Variants in EFCAB6 observed in about 807,000 individuals in gnomAD.
The protein encoded by EFCAB6 is EF-hand calcium binding domain 6.
EFCAB6 carries 156 observed loss-of-function variants against 169.8 expected under a neutral mutation model. The ratio of observed to expected loss-of-function variants is 0.92; its 90% CI spans 0.81 to 1.05. The LOEUF (loss-of-function observed/expected upper bound fraction) is 1.05, where lower values mean the gene tolerates loss of function less well. EFCAB6 is among the 50% of genes least tolerant of loss of function. EFCAB6 has a pLI of 0.00. For synonymous variants in EFCAB6, 698 were observed against 676.4 expected (o/e 1.03, Z -0.50); for missense variants, 1,800 against 1,829.1 (o/e 0.98, Z 0.29).
At chr22:43,753,729 G>A (rs2060854780) in intron 6 of EFCAB6, among the ~76,000 whole-genome samples, 1 of 152,208 alleles carries the variant, frequency 6.6e-6, no homozygotes, top group South Asian at 2.1e-4. Context: ...GGAAATAGGA[G>A]TGCTGGGGTT....
chr22:43,710,354 G>A (rs1379992363), intron 10 of EFCAB6, among the ~76,000 whole-genome samples: 1 of 152,174 alleles, frequency 6.6e-6, no homozygotes, highest in Non-Finnish European at 1.5e-5. Context: ...CACTGGCCAA[G>A]ATGGAACAAA....
At chr22:43,806,465 C>T (rs1239813690) in intron 2 of EFCAB6, among the ~76,000 whole-genome samples, 1 of 151,914 alleles carries the variant, frequency 6.6e-6, no homozygotes, top group Admixed American at 6.6e-5. Context: ...AGGCTGGTCT[C>T]GAATTTCTGG....
intron 2 of EFCAB6, among the ~76,000 whole-genome samples, chr22:43,794,890 A>G (rs922223284): frequency 3.9e-5 from 6 of 152,218 alleles, no homozygotes; most frequent in Admixed American, 3.9e-4. Context: ...ATGATAGGGT[A>G]TCACAAAAAA....
intron 17 of EFCAB6, among the ~76,000 whole-genome samples, chr22:43,650,404 C>T (rs1405478316): frequency 1.3e-5 from 2 of 152,222 alleles, no homozygotes; most frequent in African/African-American, 4.8e-5. Context: ...TAAGATGAGA[C>T]TTCCTCCTCC....
At chr22:43,567,635 A>T (rs982302779) in intron 26 of EFCAB6, among the ~76,000 whole-genome samples, 1 of 152,152 alleles carries the variant, frequency 6.6e-6, no homozygotes, top group Admixed American at 6.5e-5. Flanking sequence ...ACTGGCTGGC[A>T]TTCGAATCCT....
chr22:43,638,657 C>A (rs1479386367), intron 17 of EFCAB6, among the ~76,000 whole-genome samples: 2 of 152,170 alleles, frequency 1.3e-5, no homozygotes, highest in African/African-American at 4.8e-5. Context: ...CTTTGCAGCA[C>A]TTTTTTGGTG....
rs1184229301 is a variant in EFCAB6, at chr22:43,675,472, T to TATATAAC, written c.1419+2523_1419+2524insGTTATAT. On this transcript the variant is annotated intron_variant, in intron 13 of 31. Coordinates refer to ENST00000262726, the MANE Select transcript of EFCAB6 (RefSeq NM_022785.4). ...GTATAATATATGATATAATATATAA[T>TATATAAC]ATAATATGTAATATTATATAATATA... Among the ~76,000 whole-genome samples the TATATAAC allele has an allele frequency of 2.8e-5, 4 of 140,570 alleles. No individual in the cohort carries two copies. The East Asian group carries it at 5.9e-4, about 21-fold the overall frequency. 92.2% of individuals were successfully genotyped at this position (140,570 alleles called of 152,430 possible).
chr22:43,735,335 ACCCCACC>A (rs1441795675), intron 7 of EFCAB6, among the ~76,000 whole-genome samples: 24 of 148,120 alleles, frequency 1.6e-4, no homozygotes, highest in Non-Finnish European at 2.7e-4. Flanking sequence ...CCTGCCGCAC[ACCCCACC>A]CTCCTGCCGC....
At chr22:43,697,924 CAG>C (rs1337647775) in intron 10 of EFCAB6, among the ~76,000 whole-genome samples, 3 of 152,148 alleles carry the variant, frequency 2.0e-5, no homozygotes, top group Non-Finnish European at 4.4e-5. Flanking sequence ...CAAAGGGTGA[CAG>C]AGGCAAAGGG....
chr22:43,717,527 A>T (rs1180680749), intron 8 of EFCAB6, among the ~76,000 whole-genome samples: 2 of 152,164 alleles, frequency 1.3e-5, no homozygotes. Context: ...AGAACAGTAG[A>T]CTAAGGTTAT....
At chr22:43,534,529 A>G (rs1012662291) in intron 30 of EFCAB6, among the ~76,000 whole-genome samples, 159 bp downstream of exon 30, 5 of 152,214 alleles carry the variant, frequency 3.3e-5, no homozygotes, top group Non-Finnish European at 5.9e-5. Flanking sequence ...GGGATGCTGA[A>G]GCAGGAGGAC....
At chr22:43,531,033 G>C in intron 30 of EFCAB6, 69 bp from the exon 31 acceptor site, 1 of 1,591,584 alleles carries the variant, frequency 6.3e-7, no homozygotes, top group Non-Finnish European at 8.6e-7. Context: ...GCTCCTCCTC[G>C]CCTCGCCCCC....
rs529702205 is a variant in EFCAB6 at position 43,596,675 on chromosome 22, C to T, written c.2876+3394G>A. The stretch of plus-strand genomic sequence containing the variant: ...AATATTGTTAAAATGTCTATACTAT[C>T]CAAAGTGATCTACTAATTCAAGCAA... On this transcript the variant is annotated intron_variant, in intron 23 of 31. Coordinates refer to ENST00000262726, the MANE Select transcript of EFCAB6 (RefSeq NM_022785.4). Among the ~76,000 whole-genome samples, 3 of 152,154 alleles carry T rather than the reference C, an allele frequency of 2.0e-5. No homozygotes were observed. In the South Asian group the frequency reaches 6.2e-4, roughly 32 times the overall value.
intron 13 of EFCAB6, among the ~76,000 whole-genome samples, chr22:43,675,996 C>G (rs2057739771): frequency 6.6e-6 from 1 of 151,900 alleles, no homozygotes; most frequent in Admixed American, 6.6e-5. Flanking sequence ...GTGACAAGGA[C>G]ATGCGCAGAA....
At chr22:43,602,131 G>A (rs867660046) in intron 22 of EFCAB6, among the ~76,000 whole-genome samples, 11 of 152,176 alleles carry the variant, frequency 7.2e-5, no homozygotes, top group African/African-American at 1.9e-4. Flanking sequence ...GAGCCGTCCC[G>A]GGCAGTCCTA....
chr22:43,642,521 C>T (rs541606603), intron 17 of EFCAB6, among the ~76,000 whole-genome samples: 2 of 152,204 alleles, frequency 1.3e-5, no homozygotes, highest in South Asian at 4.2e-4. Context: ...CACAGAGCTG[C>T]GTCATCCAGA....
At chr22:43,616,102 GTCT>G (rs1472780381) in intron 20 of EFCAB6, among the ~76,000 whole-genome samples, 180 bp from the exon 21 acceptor site, 10 of 152,296 alleles carry the variant, frequency 6.6e-5, no homozygotes, top group Admixed American at 3.3e-4. Context: ...TGTCAGGGAA[GTCT>G]TCTTAAATTT....
intron 23 of EFCAB6, among the ~76,000 whole-genome samples, chr22:43,591,449 T>C (rs1461771639): frequency 7.1e-6 from 1 of 141,182 alleles, no homozygotes; most frequent in African/African-American, 2.6e-5. Context: ...AGAGCAAGAC[T>C]CTGTCTTATA....
chr22:43,711,604 T>C lies in EFCAB6; in HGVS notation c.902A>G (p.Lys301Arg). The change falls in exon 10 of 32, where the codon AAG becomes AGG. Residue 301 changes from lysine (K) to arginine (R), a missense_variant. Physicochemically the swap from Lys to Arg is conservative, Grantham distance 26. Transcript: ENST00000262726. ...FCLQLSKSYE[K>R]VEKALSAGDP... Reference sequence around the variant, plus strand: ...CCCTGCACTGAGGGCCTTTTCAACCTTTTCATAAGACTTCGAAAGCTGCAA... The same window carrying C: ...CCCTGCACTGAGGGCCTTTTCAACCCTTTCATAAGACTTCGAAAGCTGCAA... 1 of 1,582,646 alleles carries C rather than the reference T, an allele frequency of 6.3e-7. No homozygotes were observed. Among genetic ancestry groups the C allele is most frequent in the Non-Finnish European group, 8.5e-7 (1 of 1,172,406 alleles).
Sources: allele counts gnomAD v4.1 joint callset (sites outside exome capture counted in the v4.1 genomes callset), GRCh38; gene constraint gnomAD v4.1.1; transcripts MANE v1.5; gene names NCBI Gene and HGNC (gene_info 2026-07-23, HGNC 2026-07-21).